Variants in RNGTT observed in about 807,000 individuals in gnomAD.
The protein encoded by RNGTT is mRNA-capping enzyme.
Under a neutral mutation model 79.3 loss-of-function variants are expected in RNGTT, and 33 were observed. That is an observed-to-expected ratio of 0.42 (90% confidence interval 0.32 to 0.56). The LOEUF (loss-of-function observed/expected upper bound fraction) is 0.56, where lower values mean the gene tolerates loss of function less well. Ranked by LOEUF, RNGTT falls within the 20% of genes least tolerant of loss-of-function variation. RNGTT has a pLI of 0.17. For missense variants in RNGTT, 497 were observed against 739.1 expected (o/e 0.67, Z 3.80); for synonymous variants, 222 against 235.9 (o/e 0.94, Z 0.54).
intron 13 of RNGTT, among the ~76,000 whole-genome samples, chr6:88,734,563 A>T (rs1777222657): frequency 6.6e-6 from 1 of 152,152 alleles, no homozygotes; most frequent in Non-Finnish European, 1.5e-5. Flanking sequence ...AGACCCAACT[A>T]ATATTTTCTA....
intron 14 of RNGTT, among the ~76,000 whole-genome samples, chr6:88,625,963 TG>T (rs1343543929): frequency 6.6e-6 from 1 of 151,978 alleles, no homozygotes; most frequent in Non-Finnish European, 1.5e-5. Flanking sequence ...GTCAATCCAC[TG>T]GTTAATAATT....
intron 11 of RNGTT, among the ~76,000 whole-genome samples, chr6:88,822,915 A>G (rs995804486): frequency 1.1e-4 from 16 of 152,300 alleles, no homozygotes; most frequent in Admixed American, 7.2e-4. Context: ...CCTACTCCAC[A>G]TTACTAACAG....
At chr6:88,664,054 A>T (rs1031816875) in intron 14 of RNGTT, among the ~76,000 whole-genome samples, 2 of 152,180 alleles carry the variant, frequency 1.3e-5, no homozygotes, top group African/African-American at 4.8e-5. Flanking sequence ...AGTGGCTGGA[A>T]GAGCATGTTC....
intron 8 of RNGTT, among the ~76,000 whole-genome samples, chr6:88,887,863 C>T (rs1021220204): frequency 6.6e-6 from 1 of 152,188 alleles, no homozygotes; most frequent in African/African-American, 2.4e-5. Context: ...TGCCTGTAAT[C>T]CTAACACTTT....
intron 13 of RNGTT, among the ~76,000 whole-genome samples, chr6:88,736,084 A>C (rs1233247973): frequency 2.0e-5 from 3 of 152,134 alleles, no homozygotes; most frequent in Non-Finnish European, 2.9e-5. Context: ...ATTTAGATAA[A>C]GTGGATCAAT....
At position 88,695,581 on chromosome 6, in the gene RNGTT, A is replaced by C. The variant is rs926713802; in HGVS notation, c.1440-17162T>G. Among the ~76,000 whole-genome samples the C allele has an allele frequency of 5.3e-5, 8 of 152,282 alleles. No homozygotes were observed. In the South Asian group the frequency reaches 1.7e-3, roughly 32 times the overall value. On this transcript the variant is annotated intron_variant, in intron 13 of 15. Transcript: ENST00000369485. Reference sequence around the variant, plus strand: ...GTAAGTTAGTACATCCATATGGAAAACTATATAGAGGTTCCTCCAAAAACT... The same window carrying C: ...GTAAGTTAGTACATCCATATGGAAACCTATATAGAGGTTCCTCCAAAAACT...
At chr6:88,684,998 G>A (rs1035881060) in intron 13 of RNGTT, among the ~76,000 whole-genome samples, 1 of 152,040 alleles carries the variant, frequency 6.6e-6, no homozygotes, top group East Asian at 1.9e-4. Context: ...AGAAAGACAC[G>A]GAAGAAATCT....
intron 11 of RNGTT, among the ~76,000 whole-genome samples, chr6:88,809,339 A>C (rs1381074794): frequency 6.6e-6 from 1 of 152,156 alleles, no homozygotes; most frequent in East Asian, 1.9e-4. Context: ...TAGAAAAAAA[A>C]ATCACTAGTA....
intron 8 of RNGTT, among the ~76,000 whole-genome samples, chr6:88,884,797 T>C (rs1782803972): frequency 1.3e-5 from 2 of 152,230 alleles, no homozygotes; most frequent in South Asian, 4.1e-4. Context: ...ACACTTTATA[T>C]ACCCTAAGGC....
At chr6:88,962,644 G>A (rs1007563691) in intron 1 of RNGTT, among the ~76,000 whole-genome samples, 2 of 152,128 alleles carry the variant, frequency 1.3e-5, no homozygotes, top group East Asian at 1.9e-4. Context: ...GGTGGCACGC[G>A]CCTGTAATCC....
intron 11 of RNGTT, among the ~76,000 whole-genome samples, chr6:88,801,859 A>T (rs1232001025): frequency 6.6e-6 from 1 of 151,216 alleles, no homozygotes; most frequent in Non-Finnish European, 1.5e-5. Context: ...ACACACACAC[A>T]AATTTCCATT....
At chr6:88,664,376 G>A (rs750247465) in intron 14 of RNGTT, among the ~76,000 whole-genome samples, 9 of 152,210 alleles carry the variant, frequency 5.9e-5, no homozygotes, top group Non-Finnish European at 1.2e-4. Context: ...TAGTCAAAGC[G>A]CAGAGGATAT....
chr6:88,739,733 A>ATATATATATATGTG (rs1562227302), intron 13 of RNGTT, among the ~76,000 whole-genome samples: 1 of 17,360 alleles, frequency 5.8e-5, no homozygotes, highest in Non-Finnish European at 1.4e-4. Context: ...AATTATATAT[A>ATATATATATATGTG]TATATATATA....
At chr6:88,680,040 A>G (rs184768785) in intron 13 of RNGTT, among the ~76,000 whole-genome samples, 7 of 152,350 alleles carry the variant, frequency 4.6e-5, no homozygotes, top group Non-Finnish European at 1.0e-4. Context: ...TGAATCTGAG[A>G]ATGGAACACT....
chr6:88,915,208 G>A (rs1030107024), intron 4 of RNGTT, among the ~76,000 whole-genome samples: 5 of 152,158 alleles, frequency 3.3e-5, no homozygotes, highest in Non-Finnish European at 7.4e-5. Flanking sequence ...AAGCAATTTG[G>A]AGATTTCACA....
intron 2 of RNGTT, among the ~76,000 whole-genome samples, chr6:88,932,559 C>A (rs147913996): frequency 6.6e-6 from 1 of 152,084 alleles, no homozygotes; most frequent in Non-Finnish European, 1.5e-5. Context: ...CCCCTGGACA[C>A]CCAGCTTTAA....
chr6:88,850,602 CA>C (rs59569099), intron 9 of RNGTT, among the ~76,000 whole-genome samples: 1 of 151,088 alleles, frequency 6.6e-6, no homozygotes, highest in African/African-American at 2.4e-5. Context: ...TCTAAAATTA[CA>C]AAAAAAACAC....
chr6:88,669,162 AG>A (rs992492407), intron 14 of RNGTT, among the ~76,000 whole-genome samples: 1 of 152,172 alleles, frequency 6.6e-6, no homozygotes, highest in East Asian at 1.9e-4. Flanking sequence ...TTTTAATCCA[AG>A]GGGAGATCCA....
intron 11 of RNGTT, among the ~76,000 whole-genome samples, chr6:88,843,740 G>A (rs1328876172): frequency 6.6e-6 from 1 of 150,850 alleles, no homozygotes; most frequent in Non-Finnish European, 1.5e-5. Flanking sequence ...TGTATTTTTA[G>A]TAGAGACGGG....
Sources: gnomAD v4.1 joint callset for allele counts (sites outside exome capture counted in the v4.1 genomes callset) on GRCh38, gnomAD v4.1.1 for gene constraint, MANE v1.5 for transcripts, NCBI Gene and HGNC (gene_info 2026-07-23, HGNC 2026-07-21) for gene names.